The following ANKS1B variants were observed in gnomAD, a reference collection of about 807,000 sequenced individuals.
The protein encoded by ANKS1B is ankyrin repeat and sterile alpha motif domain-containing protein 1B.
ANKS1B carries 36 observed loss-of-function variants against 148.3 expected under a neutral mutation model. The observed-to-expected ratio is 0.24, with a 90% CI of 0.19 to 0.32. ANKS1B has a LOEUF of 0.32. Ranked by LOEUF, ANKS1B falls within the 10% of genes least tolerant of loss-of-function variation. ANKS1B has a pLI of 1.00. For synonymous variants in ANKS1B, 542 were observed against 560.8 expected, an observed-to-expected ratio of 0.97 and a Z score of 0.47; for missense variants, 1,157 against 1,542.6, an observed-to-expected ratio of 0.75 and a Z score of 4.19.
At chr12:99,717,018 T>G (rs2153545861) in intron 8 of ANKS1B, among the ~76,000 whole-genome samples, 1 of 152,278 alleles carries the variant, frequency 6.6e-6, no homozygotes, top group African/African-American at 2.4e-5. Context: ...GCTAAAGGCA[T>G]AGTCAAAGTT....
At chr12:98,967,645 GGAAGA>G (rs1425811357) in intron 17 of ANKS1B, among the ~76,000 whole-genome samples, 49 of 114,562 alleles carry the variant, frequency 4.3e-4, no homozygotes, top group East Asian at 1.7e-3. Context: ...GGGAGGGGAG[GGAAGA>G]GGAGGGGAGA....
intron 12 of ANKS1B, among the ~76,000 whole-genome samples, chr12:99,256,423 T>C (rs541781892): frequency 6.6e-6 from 1 of 152,308 alleles, no homozygotes; most frequent in African/African-American, 2.4e-5. Context: ...TCAGGTGTTA[T>C]TATTTTATTC....
At chr12:99,734,351 G>A (rs2153572333) in intron 8 of ANKS1B, among the ~76,000 whole-genome samples, 1 of 152,078 alleles carries the variant, frequency 6.6e-6, no homozygotes, top group East Asian at 1.9e-4. Context: ...GGAGTGCAAT[G>A]GCATGATCTC....
chr12:98,916,371 C>G (rs1380184389), intron 17 of ANKS1B, among the ~76,000 whole-genome samples: 2 of 152,200 alleles, frequency 1.3e-5, no homozygotes, highest in African/African-American at 2.4e-5. Context: ...AAGAGCTGCT[C>G]TCCATTCTGA....
At chr12:99,405,271 G>C (rs2094504876) in intron 11 of ANKS1B, among the ~76,000 whole-genome samples, 1 of 145,336 alleles carries the variant, frequency 6.9e-6, no homozygotes, top group Non-Finnish European at 1.5e-5. Flanking sequence ...TGGGATGTGT[G>C]AACTCATATT....
At chr12:99,926,750 CT>C (rs1160202768) in intron 1 of ANKS1B, among the ~76,000 whole-genome samples, 1 of 152,222 alleles carries the variant, frequency 6.6e-6, no homozygotes, top group Non-Finnish European at 1.5e-5. Flanking sequence ...CAAATGACCT[CT>C]TATTAACTCC....
chr12:99,025,145 C>G (rs557879669), intron 17 of ANKS1B, among the ~76,000 whole-genome samples: 1 of 152,190 alleles, frequency 6.6e-6, no homozygotes, highest in East Asian at 1.9e-4. Context: ...TGTGCTGCAC[C>G]TGATTAACCA....
intron 11 of ANKS1B, among the ~76,000 whole-genome samples, chr12:99,420,427 G>T (rs528534648): frequency 4.5e-4 from 68 of 152,256 alleles, no homozygotes; most frequent in African/African-American, 1.4e-3. Context: ...AAGATGGTGT[G>T]AAGTTTTAAG....
intron 9 of ANKS1B, among the ~76,000 whole-genome samples, chr12:99,628,709 G>T (rs1437957276): frequency 6.6e-6 from 1 of 152,150 alleles, no homozygotes; most frequent in Non-Finnish European, 1.5e-5. Context: ...AAGTCAAGGG[G>T]TCCCAATCTT....
intron 8 of ANKS1B, among the ~76,000 whole-genome samples, chr12:99,693,812 GCT>G: frequency 7.3e-6 from 1 of 136,442 alleles, no homozygotes; most frequent in Non-Finnish European, 1.5e-5. Flanking sequence ...ATGGAATCTC[GCT>G]CTGTCACCCA....
chr12:98,759,925 A>C (rs1157366938), intron 25 of ANKS1B, among the ~76,000 whole-genome samples: 1 of 152,154 alleles, frequency 6.6e-6, no homozygotes, highest in African/African-American at 2.4e-5. Context: ...GATTGCAATG[A>C]GCCGAGGTCG....
intron 15 of ANKS1B, among the ~76,000 whole-genome samples, chr12:99,140,943 A>G (rs903521161): frequency 6.6e-6 from 1 of 152,142 alleles, no homozygotes; most frequent in Non-Finnish European, 1.5e-5. Context: ...AACCATCAGA[A>G]GAAACATATT....
chr12:99,040,444 T>C (rs1286947045), intron 17 of ANKS1B, among the ~76,000 whole-genome samples: 1 of 152,176 alleles, frequency 6.6e-6, no homozygotes, highest in African/African-American at 2.4e-5. Flanking sequence ...TGTTGGAAAC[T>C]TTCTCTGCAA....
intron 17 of ANKS1B, chr12:98,894,813 A>G (rs1331495341): frequency 1.1e-5 from 11 of 983,598 alleles, no homozygotes; most frequent in Non-Finnish European, 1.3e-5. Flanking sequence ...AGGGCGGGAG[A>G]GGCGCGGAGC....
At chr12:99,710,462 C>T (rs1054777089) in intron 8 of ANKS1B, among the ~76,000 whole-genome samples, 3 of 152,014 alleles carry the variant, frequency 2.0e-5, no homozygotes, top group African/African-American at 7.2e-5. Context: ...CAGGGCGAAT[C>T]CAGGCCAAGA....
At chr12:99,525,231 A>G (rs946635340) in intron 9 of ANKS1B, among the ~76,000 whole-genome samples, 3 of 152,220 alleles carry the variant, frequency 2.0e-5, no homozygotes, top group African/African-American at 7.2e-5. Flanking sequence ...ATAAAATTGG[A>G]CACCAGTGGG....
At chr12:99,838,145 G>A (rs1250511525) in intron 1 of ANKS1B, among the ~76,000 whole-genome samples, 4 of 152,064 alleles carry the variant, frequency 2.6e-5, no homozygotes, top group Non-Finnish European at 5.9e-5. Flanking sequence ...TTGTGTATGT[G>A]CATATCACAT....
chr12:98,849,860 T>C (rs1295724012), intron 17 of ANKS1B, among the ~76,000 whole-genome samples: 2 of 152,202 alleles, frequency 1.3e-5, no homozygotes, highest in Non-Finnish European at 2.9e-5. Flanking sequence ...TATTTAAACT[T>C]TGAATTTCAA....
chr12:99,575,549 G>A (rs941905404), intron 9 of ANKS1B, among the ~76,000 whole-genome samples: 1 of 152,070 alleles, frequency 6.6e-6, no homozygotes, highest in African/African-American at 2.4e-5. Context: ...GGAAGAACAA[G>A]GGATGTCTTA....
Sources: allele counts gnomAD v4.1 joint callset (sites outside exome capture counted in the v4.1 genomes callset), GRCh38; gene constraint gnomAD v4.1.1; transcripts MANE v1.5; gene names NCBI Gene and HGNC (gene_info 2026-07-23, HGNC 2026-07-21).